The following BBX variants were observed in gnomAD, a reference collection of about 807,000 sequenced individuals.
BBX encodes the protein BBX high mobility group box domain containing, also known as HMG box transcription factor BBX.
In BBX, 30 loss-of-function variants were observed where a neutral mutation model predicts 100.2. The observed-to-expected ratio is 0.30, with a 90% CI of 0.22 to 0.41. BBX has a LOEUF of 0.41. Ranked by LOEUF, BBX falls within the 10% of genes least tolerant of loss-of-function variation. The probability of loss-of-function intolerance (pLI) is 1.00; values close to 1 mark genes in which losing one functional copy is unlikely to be tolerated. For synonymous variants in BBX, 376 were observed against 388.1 expected, an observed-to-expected ratio of 0.97 and a Z score of 0.37; for missense variants, 1,023 against 1,129.8, an observed-to-expected ratio of 0.91 and a Z score of 1.35.
intron 2 of BBX, among the ~76,000 whole-genome samples, chr3:107,637,015 C>T (rs975919221): frequency 6.6e-6 from 1 of 152,048 alleles, no homozygotes; most frequent in African/African-American, 2.4e-5. Context: ...ATTCTTCAGT[C>T]AATATATAAT....
chr3:107,619,598 A>T (rs764741237), intron 2 of BBX, among the ~76,000 whole-genome samples: 2 of 149,590 alleles, frequency 1.3e-5, no homozygotes, highest in Non-Finnish European at 1.5e-5. Context: ...TTCTCCGTTT[A>T]TTGAATGTTT....
Position 107,778,512 on chromosome 3 carries a change from C to T in BBX, c.2196C>T (p.Thr732=). ...TGNVSSEPTK[T]SKGPFQSQKK... ...ATGTGTCCTCAGAACCGACTAAAACCAGCAAAGGTTAGGTGTGACCTGTAC... is the reference window on the plus strand; with the variant it reads ...ATGTGTCCTCAGAACCGACTAAAACTAGCAAAGGTTAGGTGTGACCTGTAC... The change falls in exon 13 of 18, where the codon ACC becomes ACT. Residue 732 remains threonine, a synonymous_variant. Coordinates refer to ENST00000325805, the MANE Select transcript of BBX (RefSeq NM_001142568.3). The T allele has an allele frequency of 6.2e-7, 1 of 1,612,898 alleles. No individual in the cohort carries two copies.
chr3:107,613,416 A>T (rs1162695285), intron 2 of BBX, among the ~76,000 whole-genome samples: 1 of 150,044 alleles, frequency 6.7e-6, no homozygotes, highest in African/African-American at 2.5e-5. Context: ...TATTATTTTG[A>T]TTTCTCATAA....
chr3:107,544,097 A>C (rs115193510), intron 2 of BBX, among the ~76,000 whole-genome samples: 1 of 152,308 alleles, frequency 6.6e-6, no homozygotes, highest in African/African-American at 2.4e-5. Context: ...CAGTTCAGGG[A>C]GGAAACTTCA....
At chr3:107,583,871 ATTATACT>A (rs2052463512) in intron 2 of BBX, among the ~76,000 whole-genome samples, 2 of 132,802 alleles carry the variant, frequency 1.5e-5, no homozygotes, top group African/African-American at 5.6e-5. Flanking sequence ...TTCAAGATAA[ATTATACT>A]TTATATATAT....
chr3:107,602,597 C>T (rs1407727918), intron 2 of BBX, among the ~76,000 whole-genome samples: 1 of 152,130 alleles, frequency 6.6e-6, no homozygotes, highest in Admixed American at 6.6e-5. Flanking sequence ...AAAATATCAA[C>T]ATTAACAGGA....
At chr3:107,703,606 CAG>C (rs1362228814) in intron 3 of BBX, among the ~76,000 whole-genome samples, 1 of 152,142 alleles carries the variant, frequency 6.6e-6, no homozygotes. Context: ...AACATCTTGA[CAG>C]AGTTAAAGTT....
intron 3 of BBX, among the ~76,000 whole-genome samples, chr3:107,656,169 C>T (rs2058129046): frequency 6.7e-6 from 1 of 148,808 alleles, no homozygotes; most frequent in African/African-American, 2.4e-5. Flanking sequence ...ATAATTGGTC[C>T]AAGAGAAAAA....
chr3:107,623,291 G>A (rs772423215), intron 2 of BBX, among the ~76,000 whole-genome samples: 1 of 152,180 alleles, frequency 6.6e-6, no homozygotes, highest in Non-Finnish European at 1.5e-5. Context: ...CCGTCAGTCA[G>A]AGATGAAGGT....
intron 3 of BBX, among the ~76,000 whole-genome samples, chr3:107,680,505 C>A (rs536184148): frequency 6.6e-6 from 1 of 152,158 alleles, no homozygotes; most frequent in South Asian, 2.1e-4. Flanking sequence ...TTTATGAAAG[C>A]ATTAGGGTTT....
intron 2 of BBX, among the ~76,000 whole-genome samples, chr3:107,614,055 G>A (rs908937915): frequency 3.4e-5 from 5 of 147,342 alleles, no homozygotes; most frequent in South Asian, 2.2e-4. Flanking sequence ...GGGTTCAAGC[G>A]ATTCTCTTGC....
intron 2 of BBX, among the ~76,000 whole-genome samples, chr3:107,569,020 C>T (rs2051143914): frequency 6.6e-6 from 1 of 152,268 alleles, no homozygotes; most frequent in South Asian, 2.1e-4. Context: ...AATTTTCTAG[C>T]AAAATTGTGG....
intron 2 of BBX, among the ~76,000 whole-genome samples, chr3:107,625,350 T>A (rs1185992585): frequency 6.6e-6 from 1 of 152,212 alleles, no homozygotes; most frequent in Non-Finnish European, 1.5e-5. Context: ...CAATCTCAGC[T>A]CACTGCAACC....
At chr3:107,607,326 C>T (rs1244568300) in intron 2 of BBX, among the ~76,000 whole-genome samples, 2 of 152,162 alleles carry the variant, frequency 1.3e-5, no homozygotes, top group African/African-American at 4.8e-5. Context: ...GGTGATCCAC[C>T]CGCCTCGGCC....
At chr3:107,710,877 T>C (rs1296765786) in intron 4 of BBX, among the ~76,000 whole-genome samples, 1 of 152,240 alleles carries the variant, frequency 6.6e-6, no homozygotes, top group South Asian at 2.1e-4. Flanking sequence ...TTGTGGGTAA[T>C]GTTCAAATAC....
At chr3:107,643,002 G>A (rs924425387) in intron 2 of BBX, among the ~76,000 whole-genome samples, 4 of 152,136 alleles carry the variant, frequency 2.6e-5, no homozygotes, top group African/African-American at 7.2e-5. Context: ...GGGCAGCATC[G>A]TTACCTCGGA....
intron 5 of BBX, among the ~76,000 whole-genome samples, chr3:107,720,080 G>T (rs146087408): frequency 6.6e-5 from 10 of 152,038 alleles, no homozygotes; most frequent in Admixed American, 2.6e-4. Flanking sequence ...TCCTTTTTGT[G>T]CTTAGCATAT....
At chr3:107,542,707 A>G (rs2048945508) in intron 2 of BBX, among the ~76,000 whole-genome samples, 1 of 152,184 alleles carries the variant, frequency 6.6e-6, no homozygotes, top group Admixed American at 6.6e-5. Flanking sequence ...GAGGCTCAGC[A>G]ACTTGCCCAA....
intron 3 of BBX, among the ~76,000 whole-genome samples, chr3:107,674,588 CT>C (rs2059188812): frequency 6.6e-6 from 1 of 152,194 alleles, no homozygotes; most frequent in South Asian, 2.1e-4. Flanking sequence ...CTTCTTTCCC[CT>C]GGCAGCGGTT....
Sources: allele counts gnomAD v4.1 joint callset (sites outside exome capture counted in the v4.1 genomes callset), GRCh38; gene constraint gnomAD v4.1.1; transcripts MANE v1.5; gene names NCBI Gene and HGNC (gene_info 2026-07-23, HGNC 2026-07-21).